The following GTF2IRD1 variants were observed in gnomAD, a reference collection of about 807,000 sequenced individuals.
GTF2IRD1 encodes GTF2I repeat domain containing 1.
Under a neutral mutation model 113.2 loss-of-function variants are expected in GTF2IRD1, and 26 were observed. That is an observed-to-expected ratio of 0.23 (90% CI 0.17 to 0.32). GTF2IRD1 has a LOEUF of 0.32. Ranked by LOEUF, GTF2IRD1 falls within the 10% of genes least tolerant of loss-of-function variation. The pLI is 1.00. For missense variants in GTF2IRD1, 864 were observed against 1,280.8 expected, an observed-to-expected ratio of 0.67 and a Z score of 4.97; for synonymous variants, 484 against 529.1, an observed-to-expected ratio of 0.91 and a Z score of 1.17.
At chr7:74,587,785 A>G (rs1202686064) in intron 22 of GTF2IRD1, among the ~76,000 whole-genome samples, 1 of 152,032 alleles carries the variant, frequency 6.6e-6, no homozygotes, top group Non-Finnish European at 1.5e-5. Flanking sequence ...CCCCATCTCC[A>G]GGGCTAACTG....
chr7:74,462,437 C>T (rs782784492), intron 1 of GTF2IRD1, among the ~76,000 whole-genome samples: 1 of 152,224 alleles, frequency 6.6e-6, no homozygotes, highest in Non-Finnish European at 1.5e-5. Context: ...TGGAATCCTA[C>T]AGTCCACAGC....
intron 24 of GTF2IRD1, among the ~76,000 whole-genome samples, chr7:74,593,416 A>T (rs1802192792): frequency 8.8e-5 from 2 of 22,720 alleles, no homozygotes; most frequent in African/African-American, 3.3e-4. Context: ...TCTCTACTAA[A>T]AAAAAAAAAA....
At chr7:74,477,465 GAGT>G (rs1216008795) in intron 1 of GTF2IRD1, among the ~76,000 whole-genome samples, 9 of 151,112 alleles carry the variant, frequency 6.0e-5, no homozygotes, top group Non-Finnish European at 3.0e-5. Context: ...GAATGCTTTG[GAGT>G]AGGTCAGGGC....
intron 1 of GTF2IRD1, among the ~76,000 whole-genome samples, chr7:74,475,906 A>G (rs1794373929): frequency 6.6e-6 from 1 of 152,120 alleles, no homozygotes; most frequent in Non-Finnish European, 1.5e-5. Context: ...CCTGATCTGG[A>G]GTACACATTG....
rs374902060 is a variant in GTF2IRD1, at chr7:74,601,370, G to A, written c.2766+190G>A. On this transcript the variant is annotated intron_variant, in intron 26 of 26. Transcript: ENST00000424337. ...ACCCAAGAGGTAGCCCATCCTTCTC[G>A]TGGGGTACTCACAGGCACTCAGGCA... 13 of 1,519,860 alleles carry A rather than the reference G, an allele frequency of 8.6e-6. No homozygotes were observed. In the East Asian group the frequency reaches 2.2e-4, roughly 26 times the overall value. The allele number at this position is 1,519,860 out of a possible 1,614,324, so 94.1% of individuals were successfully genotyped here. A position where few individuals can be genotyped will look rare whatever the true frequency, so the allele number is the denominator to read the frequency against.
At position 74,519,707 on chromosome 7, in the gene GTF2IRD1, T is replaced by C; in HGVS notation, c.904T>C (p.Ser302Pro). The change falls in exon 6 of 27, where the codon TCC (serine) becomes CCC (proline). Residue 302 changes from serine (S) to proline (P), a missense_variant. Transcript: ENST00000424337. ...CAAGGCCACCGGTGCCCAAGACTTC[T>C]CCGACTGTTGTGGTAACATTGCTGC... is the stretch of plus-strand genomic sequence containing the variant. ...EPKATGAQDF[S>P]DCCGQKPTGP... 1 of 1,573,946 alleles carries C rather than the reference T, an allele frequency of 6.4e-7. No individual in the cohort carries two copies. Among genetic ancestry groups the C allele is most frequent in the Non-Finnish European group, 8.6e-7 (1 of 1,159,468 alleles).
chr7:74,521,045 G>A (rs1554345830), intron 6 of GTF2IRD1, among the ~76,000 whole-genome samples, 163 bp from the exon 7 acceptor site: 1 of 151,908 alleles, frequency 6.6e-6, no homozygotes, highest in African/African-American at 2.4e-5. Flanking sequence ...TTAGACCTCT[G>A]GTCAGGGGCC....
intron 1 of GTF2IRD1, among the ~76,000 whole-genome samples, chr7:74,503,886 C>T (rs374797849): frequency 3.9e-5 from 6 of 152,270 alleles, no homozygotes; most frequent in African/African-American, 9.6e-5. Context: ...CCCAATAAGT[C>T]GTTTTTCAGC....
chr7:74,593,409 C>A, intron 24 of GTF2IRD1, among the ~76,000 whole-genome samples: 1 of 58,518 alleles, frequency 1.7e-5, no homozygotes, highest in Non-Finnish European at 2.9e-5. Context: ...AACCTCATCT[C>A]TACTAAAAAA....
intron 3 of GTF2IRD1, among the ~76,000 whole-genome samples, chr7:74,514,545 C>T (rs776333895): frequency 6.6e-6 from 1 of 152,150 alleles, no homozygotes; most frequent in East Asian, 1.9e-4. Flanking sequence ...GAGGGGGCCG[C>T]AGGCCCCTCC....
chr7:74,502,082 C>T lies in GTF2IRD1; in HGVS notation c.-6-5993C>T, dbSNP rs115058522. ...CCGTCTCAGCCTCCCAAGTAGCTGG[C>T]GCCACAGGCATACACCCGGCTAATT... On this transcript the variant is annotated intron_variant, in intron 1 of 26. Transcript: ENST00000424337. Among the ~76,000 whole-genome samples the T allele has an allele frequency of 3.2e-3, 489 of 152,140 alleles. 12 individuals are homozygous for T. The highest frequency in any genetic ancestry group is 0.025 in the Admixed American group (382 of 15,276).
At chr7:74,570,517 T>C (rs1554362343) in intron 22 of GTF2IRD1, among the ~76,000 whole-genome samples, 1 of 151,692 alleles carries the variant, frequency 6.6e-6, no homozygotes, top group Non-Finnish European at 1.5e-5. Context: ...GAGCCAGTGT[T>C]GTGGCACACA....
At chr7:74,475,017 G>A (rs1794321372) in intron 1 of GTF2IRD1, among the ~76,000 whole-genome samples, 1 of 152,170 alleles carries the variant, frequency 6.6e-6, no homozygotes, top group African/African-American at 2.4e-5. Context: ...AGATACTCAG[G>A]AAGGATTTGG....
At position 74,529,119 on chromosome 7, in the gene GTF2IRD1, AG is replaced by A. The variant is rs587644052; in HGVS notation, c.1091-611del. The stretch of plus-strand genomic sequence containing the variant: ...AACCGAGTGTATGCTCCTGGCCTGT[AG>A]GGGAAGCACCAAGGGGGCGGCAGGG... On this transcript the variant is annotated intron_variant, in intron 8 of 26. Transcript: ENST00000424337. Among the ~76,000 whole-genome samples the A allele has an allele frequency of 2.5e-3, 387 of 152,184 alleles. 2 individuals are homozygous for A. Among genetic ancestry groups the A allele is most frequent in the Admixed American group, 4.5e-3 (69 of 15,268 alleles).
chr7:74,592,935 G>A (rs1417063392), intron 24 of GTF2IRD1, among the ~76,000 whole-genome samples: 3 of 151,914 alleles, frequency 2.0e-5, no homozygotes, highest in Non-Finnish European at 4.4e-5. Flanking sequence ...TTGGCTCACT[G>A]TAACCTCTGC....
chr7:74,537,089 C>T (rs1798340831), intron 11 of GTF2IRD1, among the ~76,000 whole-genome samples: 1 of 152,174 alleles, frequency 6.6e-6, no homozygotes, highest in East Asian at 1.9e-4. Context: ...CCAGCCTGGG[C>T]AACAGAGTAA....
intron 14 of GTF2IRD1, among the ~76,000 whole-genome samples, chr7:74,543,446 C>T (rs1457551456): frequency 3.9e-5 from 6 of 152,202 alleles, no homozygotes; most frequent in African/African-American, 1.4e-4. Flanking sequence ...GCACTCCAGC[C>T]TGGGTGACAG....
rs587761695 is a variant in GTF2IRD1, at chr7:74,595,035, T to C, written c.2613T>C (p.Asn871=). The C allele has an allele frequency of 1.1e-5, 18 of 1,605,946 alleles. No homozygotes were observed. The highest frequency in any genetic ancestry group is 1.4e-5 in the Non-Finnish European group (17 of 1,173,618). Residue 871 remains asparagine (N), a synonymous_variant, in exon 25 of 27, where the codon AAT becomes AAC. Transcript: ENST00000424337. ...TCAGACCCTTTGCAGAAATCTGCAATGATGCCAAGGTGCCAGGTGAGTCAG... is the reference window on the plus strand; with the variant it reads ...TCAGACCCTTTGCAGAAATCTGCAACGATGCCAAGGTGCCAGGTGAGTCAG... ...NQLQPFAEIC[N]DAKVPAKDSS...
chr7:74,504,746 T>C (rs1554340547), intron 1 of GTF2IRD1, among the ~76,000 whole-genome samples: 2 of 149,024 alleles, frequency 1.3e-5, no homozygotes, highest in Non-Finnish European at 3.0e-5. Flanking sequence ...GTTGCTCTGT[T>C]GCCCAGGCTG....
Sources: gnomAD v4.1 joint callset for allele counts (sites outside exome capture counted in the v4.1 genomes callset) on GRCh38, gnomAD v4.1.1 for gene constraint, MANE v1.5 for transcripts, NCBI Gene and HGNC (gene_info 2026-07-23, HGNC 2026-07-21) for gene names.